NAV3: variants seen among roughly 807,000 people sequenced by gnomAD.
NAV3 encodes the protein pore membrane and/or filament interacting like protein 1.
A neutral mutation model predicts 244.7 loss-of-function variants in NAV3; 87 were observed. That is an observed-to-expected ratio of 0.36 (90% CI 0.30 to 0.42). The LOEUF is 0.42. NAV3 is among the 20% of genes least tolerant of loss of function. The pLI, the probability that NAV3 is intolerant of heterozygous loss-of-function variation, is 1.00. For missense variants in NAV3, 2,663 were observed against 2,893.3 expected (o/e 0.92, Z 1.83); for synonymous variants, 1,126 against 1,042.2 (o/e 1.08, Z -1.55).
Position 78,195,898 on chromosome 12 carries a change from G to A in NAV3, c.6292-1349G>A, listed in dbSNP as rs115846435. Among the ~76,000 whole-genome samples the A allele has an allele frequency of 5.0e-3, 755 of 152,114 alleles. 10 individuals carry two copies. Among genetic ancestry groups the A allele is most frequent in the African/African-American group, 0.018 (731 of 41,528 alleles). On this transcript the variant is annotated intron_variant, in intron 34 of 39. Transcript: ENST00000397909. ...TAGAGCTTGCAGGGGAAACCAGCCT[G>A]ATTACCCTTTTTAGTCCTCATGTCC...
chr12:77,979,699 G>A (rs12315569), intron 5 of NAV3, among the ~76,000 whole-genome samples: 21,181 of 76,950 alleles, frequency 0.28, 1,592 homozygotes, highest in African/African-American at 0.32. Context: ...GATGTGAAAC[G>A]AAAAAAAAAA....
At chr12:78,130,139 C>T (rs1201226558) in intron 18 of NAV3, among the ~76,000 whole-genome samples, 1 of 152,122 alleles carries the variant, frequency 6.6e-6, no homozygotes, top group Non-Finnish European at 1.5e-5. Context: ...TTTTGCCAGT[C>T]TAGTTTGGGG....
chr12:77,755,417 C>G (rs1869085635), intron 2 of NAV3, among the ~76,000 whole-genome samples: 1 of 152,150 alleles, frequency 6.6e-6, no homozygotes, highest in Non-Finnish European at 1.5e-5. Context: ...ACAAAGCCCT[C>G]TGCTTACGTT....
chr12:77,657,788 C>T (rs1873194628), intron 2 of NAV3, among the ~76,000 whole-genome samples: 1 of 152,096 alleles, frequency 6.6e-6, no homozygotes, highest in Non-Finnish European at 1.5e-5. Flanking sequence ...CCCTGGGATG[C>T]AAGGCTGGTT....
At chr12:78,055,013 A>G (rs1883275311) in intron 11 of NAV3, among the ~76,000 whole-genome samples, 1 of 152,200 alleles carries the variant, frequency 6.6e-6, no homozygotes, top group Non-Finnish European at 1.5e-5. Context: ...AACAGGGATC[A>G]TAAACTGAAT....
chr12:77,663,480 C>A (rs711133), intron 2 of NAV3, among the ~76,000 whole-genome samples: 35,523 of 151,072 alleles, frequency 0.24, 6,319 homozygotes, highest in African/African-American at 0.5. Flanking sequence ...ATGAGTGAGG[C>A]TTATACTACA....
intron 2 of NAV3, among the ~76,000 whole-genome samples, chr12:77,747,349 G>A (rs940245766): frequency 1.3e-5 from 2 of 152,136 alleles, no homozygotes; most frequent in Admixed American, 6.6e-5. Context: ...TCTCACACCA[G>A]TTAGAATGGT....
At chr12:77,911,877 C>G (rs1886628777) in intron 1 of NAV3, among the ~76,000 whole-genome samples, 1 of 151,830 alleles carries the variant, frequency 6.6e-6, no homozygotes, top group African/African-American at 2.4e-5. Context: ...TTTTTTAACT[C>G]CAGGGTGTTC....
At chr12:77,652,287 G>A (rs1872859769) in intron 2 of NAV3, among the ~76,000 whole-genome samples, 1 of 152,116 alleles carries the variant, frequency 6.6e-6, no homozygotes, top group African/African-American at 2.4e-5. Context: ...GGTTAAGCTG[G>A]CAGTCAGACA....
At chr12:77,834,214 A>AC (rs1383135676) in intron 1 of NAV3, among the ~76,000 whole-genome samples, 1 of 151,736 alleles carries the variant, frequency 6.6e-6, no homozygotes, top group African/African-American at 2.4e-5. Flanking sequence ...CTAGCCAGGG[A>AC]CCCCATCTTT....
At chr12:77,667,901 C>T (rs1873790836) in intron 2 of NAV3, among the ~76,000 whole-genome samples, 1 of 152,176 alleles carries the variant, frequency 6.6e-6, no homozygotes. Flanking sequence ...CTTCTTCACT[C>T]CCCTGCTACC....
intron 2 of NAV3, among the ~76,000 whole-genome samples, chr12:77,638,672 T>C (rs1872262663): frequency 6.6e-6 from 1 of 152,262 alleles, no homozygotes; most frequent in Non-Finnish European, 1.5e-5. Flanking sequence ...TGTGACAGTT[T>C]ATATAATAAT....
chr12:77,616,750 ACACG>A (rs1195940108), intron 2 of NAV3, among the ~76,000 whole-genome samples: 3 of 152,104 alleles, frequency 2.0e-5, no homozygotes, highest in Admixed American at 6.5e-5. Flanking sequence ...ACACACACAC[ACACG>A]ATTATGTATT....
intron 12 of NAV3, among the ~76,000 whole-genome samples, chr12:78,076,973 T>C (rs1953082939): frequency 6.6e-6 from 1 of 152,164 alleles, no homozygotes; most frequent in African/African-American, 2.4e-5. Flanking sequence ...TAAAGTATCT[T>C]TGGATTGTGT....
intron 2 of NAV3, among the ~76,000 whole-genome samples, chr12:77,707,917 C>T (rs905690262): frequency 1.3e-5 from 2 of 150,788 alleles, no homozygotes; most frequent in African/African-American, 4.9e-5. Context: ...TTGTTTTTTT[C>T]TTGTAAATTT....
At chr12:77,632,391 A>G (rs1451169326) in intron 2 of NAV3, among the ~76,000 whole-genome samples, 2 of 152,210 alleles carry the variant, frequency 1.3e-5, no homozygotes, top group Non-Finnish European at 2.9e-5. Context: ...CCTCTCAATC[A>G]TGGCGGATGG....
intron 3 of NAV3, among the ~76,000 whole-genome samples, chr12:77,953,590 G>A (rs924134842): frequency 2.6e-5 from 4 of 152,102 alleles, no homozygotes; most frequent in Non-Finnish European, 5.9e-5. Context: ...AAACCGAAGA[G>A]CAAAACCCAA....
chr12:77,770,705 G>T (rs1205516216), intron 2 of NAV3, among the ~76,000 whole-genome samples: 1 of 152,168 alleles, frequency 6.6e-6, no homozygotes, highest in Non-Finnish European at 1.5e-5. Flanking sequence ...AAACTGGCTA[G>T]CCATATGTAG....
At chr12:78,139,642 G>A (rs1243709970) in intron 19 of NAV3, among the ~76,000 whole-genome samples, 1 of 151,928 alleles carries the variant, frequency 6.6e-6, no homozygotes, top group Non-Finnish European at 1.5e-5. Context: ...AAAGCAGAAT[G>A]TCCAATGTTT....
Sources: gnomAD v4.1 joint callset for allele counts (sites outside exome capture counted in the v4.1 genomes callset) on GRCh38, gnomAD v4.1.1 for gene constraint, MANE v1.5 for transcripts, NCBI Gene and HGNC (gene_info 2026-07-23, HGNC 2026-07-21) for gene names.